The following ATP10A variants were observed in gnomAD, a reference collection of about 807,000 sequenced individuals.
ATP10A encodes the protein phospholipid-transporting ATPase VA.
A neutral mutation model predicts 147.8 loss-of-function variants in ATP10A; 111 were observed. The observed-to-expected ratio is 0.75, with a 90% CI of 0.64 to 0.88. The LOEUF is 0.88. ATP10A is among the 40% of genes least tolerant of loss of function. The pLI, the probability that ATP10A is intolerant of heterozygous loss-of-function variation, is 0.00. For synonymous variants in ATP10A, 875 were observed against 841.6 expected (o/e 1.04, Z -0.69); for missense variants, 1,927 against 1,959.0 (o/e 0.98, Z 0.31).
intron 2 of ATP10A, among the ~76,000 whole-genome samples, chr15:25,741,798 T>C (rs549627238): frequency 7.2e-5 from 11 of 152,316 alleles, no homozygotes; most frequent in Admixed American, 7.2e-4. Flanking sequence ...TCTGTTTTTG[T>C]CCACCACGTG....
At position 25,695,001 on chromosome 15, in the gene ATP10A, C is replaced by G. The variant is rs531552257; in HGVS notation, c.2906G>C (p.Arg969Thr). ...TCTCCCATCGATCACGAGGCTGGGT[C>G]TGCGGCCAGAGGCAGTGGACGTGGA... ...PPSTSTASGR[R>T]PSLVIDGRSL... The change falls in exon 14 of 21, where the codon AGA (arginine) becomes ACA (threonine). Residue 969 changes from arginine to threonine, a missense_variant. Coordinates refer to ENST00000555815, the MANE Select transcript of ATP10A (RefSeq NM_024490.4). The G allele has an allele frequency of 4.3e-6, 7 of 1,614,204 alleles. 1 individual carries two copies. In the South Asian group the frequency reaches 6.6e-5, roughly 15 times the overall value.
intron 15 of ATP10A, among the ~76,000 whole-genome samples, chr15:25,690,126 A>G (rs1381626820): frequency 6.6e-6 from 1 of 152,132 alleles, no homozygotes; most frequent in African/African-American, 2.4e-5. Context: ...CCTACGGTTG[A>G]TGGGAAGCCT....
chr15:25,695,591 T>C (rs1002237259), intron 13 of ATP10A, among the ~76,000 whole-genome samples: 3 of 152,058 alleles, frequency 2.0e-5, no homozygotes, highest in Non-Finnish European at 2.9e-5. Flanking sequence ...ATCATGCCAC[T>C]GCACTCCAGC....
intron 13 of ATP10A, among the ~76,000 whole-genome samples, chr15:25,697,301 G>C (rs1435542734): frequency 6.6e-6 from 1 of 152,122 alleles, no homozygotes; most frequent in African/African-American, 2.4e-5. Context: ...CCACAGGGTT[G>C]ATCACCTGCT....
intron 13 of ATP10A, among the ~76,000 whole-genome samples, chr15:25,699,556 A>C (rs956057552): frequency 1.3e-5 from 2 of 152,168 alleles, no homozygotes; most frequent in Non-Finnish European, 2.9e-5. Context: ...CAAATGCATG[A>C]TACATAAAAT....
intron 1 of ATP10A, among the ~76,000 whole-genome samples, chr15:25,850,220 A>G (rs1893220841): frequency 6.6e-6 from 1 of 151,960 alleles, no homozygotes; most frequent in Non-Finnish European, 1.5e-5. Context: ...TGGCTTGTTC[A>G]GAGAGAGAGA....
chr15:25,780,357 T>C (rs984634815), intron 2 of ATP10A, among the ~76,000 whole-genome samples: 1 of 152,216 alleles, frequency 6.6e-6, no homozygotes, highest in African/African-American at 2.4e-5. Context: ...CCCATTTCCT[T>C]GTAGGGTCTT....
chr15:25,850,493 A>C (rs970840497), intron 1 of ATP10A, among the ~76,000 whole-genome samples: 13 of 152,212 alleles, frequency 8.5e-5, no homozygotes, highest in African/African-American at 3.1e-4. Flanking sequence ...AAAGGCCCAG[A>C]AAAAGGGATG....
chr15:25,832,981 C>CTTTTTTTT, intron 1 of ATP10A, among the ~76,000 whole-genome samples: 1 of 124,222 alleles, frequency 8.1e-6, no homozygotes, highest in Non-Finnish European at 1.7e-5. Flanking sequence ...CTATTTTATT[C>CTTTTTTTT]TTTTTTTTTT....
At chr15:25,735,419 G>A (rs919619024) in intron 3 of ATP10A, among the ~76,000 whole-genome samples, 2 of 152,046 alleles carry the variant, frequency 1.3e-5, no homozygotes, top group Admixed American at 6.6e-5. Context: ...TCCCCATCAC[G>A]TGGCTTCAGC....
At chr15:25,792,480 G>T (rs1890473634) in intron 1 of ATP10A, among the ~76,000 whole-genome samples, 1 of 152,214 alleles carries the variant, frequency 6.6e-6, no homozygotes, top group African/African-American at 2.4e-5. Context: ...ACCCATGCAG[G>T]TCATTTGTCA....
At chr15:25,707,944 GC>G (rs1567317803) in intron 12 of ATP10A, 31 bp downstream of exon 12, 15 of 1,611,148 alleles carry the variant, frequency 9.3e-6, no homozygotes, top group African/African-American at 4.0e-5. Flanking sequence ...ACTCCACACT[GC>G]CCTTAGGCAT....
At chr15:25,725,783 T>C (rs186850017) in intron 5 of ATP10A, among the ~76,000 whole-genome samples, 168 bp downstream of exon 5, 61 of 143,672 alleles carry the variant, frequency 4.2e-4, no homozygotes, top group Admixed American at 2.9e-3. Flanking sequence ...TACAGGCACA[T>C]TTTTTTTGTA....
At chr15:25,799,687 C>T (rs11161219) in intron 1 of ATP10A, among the ~76,000 whole-genome samples, 71,557 of 151,852 alleles carry the variant, frequency 0.47, 18,784 homozygotes, top group East Asian at 0.66. Flanking sequence ...GAGCTGTGAT[C>T]ACGTCACTGC....
intron 1 of ATP10A, among the ~76,000 whole-genome samples, chr15:25,816,511 A>G (rs2140833498): frequency 6.6e-6 from 1 of 152,334 alleles, no homozygotes; most frequent in East Asian, 1.9e-4. Context: ...GGGTACAGTA[A>G]AAATATGAAA....
chr15:25,680,317 G>A lies in ATP10A; in HGVS notation c.3679-9C>T, dbSNP rs751189649. On this transcript the variant is annotated splice_polypyrimidine_tract_variant and intron_variant, in intron 19 of 20. Transcript: ENST00000555815. ...ATCCAGTTGAGCCAGGTCTGAGGGG[G>A]AATGAGAAAGAAAGGGCTTTTATTT... 5.0e-6 allele frequency: 8 copies of A among 1,611,696 alleles called. No homozygotes were observed. The highest frequency in any genetic ancestry group is 3.3e-5 in the South Asian group (3 of 90,748).
Position 25,718,291 on chromosome 15 carries a change from C to T in ATP10A, c.1472G>A (p.Arg491Gln), listed in dbSNP as rs377731972. Residue 491 changes from arginine to glutamine, a missense_variant, in exon 8 of 21, where the codon CGG becomes CAG. By Grantham distance (43) the Arg-to-Gln change is conservative. Coordinates refer to ENST00000555815, the MANE Select transcript of ATP10A (RefSeq NM_024490.4). ...GGTGCTCTGGGTTCTGTGCACCACC[C>T]GGACACTCTGGTGGCTGCCGATGCT... The part of the protein sequence containing the change: ...RGSIGSHQSV[R>Q]VVHRTQSTKS... The T allele has an allele frequency of 5.0e-6, 8 of 1,612,038 alleles. No homozygotes were observed. The highest frequency in any genetic ancestry group is 2.2e-5 in the East Asian group (1 of 44,856).
At chr15:25,799,210 T>C (rs1428090555) in intron 1 of ATP10A, among the ~76,000 whole-genome samples, 3 of 152,184 alleles carry the variant, frequency 2.0e-5, no homozygotes, top group Non-Finnish European at 4.4e-5. Context: ...GGTGTCTGGT[T>C]TGACTGGCCC....
At chr15:25,699,445 CA>C (rs1160345694) in intron 13 of ATP10A, among the ~76,000 whole-genome samples, 9 of 152,236 alleles carry the variant, frequency 5.9e-5, no homozygotes, top group South Asian at 2.1e-4. Flanking sequence ...AAATGTGACC[CA>C]AAATGGACTG....
Sources: allele counts gnomAD v4.1 joint callset (sites outside exome capture counted in the v4.1 genomes callset), GRCh38; gene constraint gnomAD v4.1.1; transcripts MANE v1.5; gene names NCBI Gene and HGNC (gene_info 2026-07-23, HGNC 2026-07-21).